SCN8A: variants seen among roughly 807,000 people sequenced by gnomAD.
SCN8A encodes the protein sodium channel protein type 8 subunit alpha.
Under a neutral mutation model 184.1 loss-of-function variants are expected in SCN8A, and 30 were observed. That is an observed-to-expected ratio of 0.16 (90% CI 0.12 to 0.22). The LOEUF (loss-of-function observed/expected upper bound fraction) is 0.22. Among genes scored for constraint, SCN8A ranks in the 10% least tolerant of loss-of-function variants. SCN8A has a pLI of 1.00. For synonymous variants in SCN8A, 852 were observed against 907.0 expected (o/e 0.94, Z 1.09); for missense variants, 1,057 against 2,498.9 (o/e 0.42, Z 12.30).
intron 15 of SCN8A, among the ~76,000 whole-genome samples, chr12:51,763,846 T>G (rs965915897): frequency 2.0e-5 from 3 of 152,228 alleles, no homozygotes; most frequent in African/African-American, 7.2e-5. Context: ...ACTTGGCAAC[T>G]GAAAAGGTTT....
chr12:51,648,021 T>TG (rs1940628524), intron 1 of SCN8A, among the ~76,000 whole-genome samples: 1 of 136,892 alleles, frequency 7.3e-6, no homozygotes, highest in African/African-American at 2.5e-5. Context: ...GCAAAGATGG[T>TG]GGCGTGAGGT....
intron 26 of SCN8A, among the ~76,000 whole-genome samples, chr12:51,804,045 C>T (rs1475965648): frequency 1.3e-5 from 2 of 152,170 alleles, no homozygotes; most frequent in Non-Finnish European, 2.9e-5. Flanking sequence ...TTGTTAGTGC[C>T]TGGACGGCAA....
intron 6 of SCN8A, among the ~76,000 whole-genome samples, chr12:51,694,741 A>G (rs1053413905): frequency 6.6e-6 from 1 of 152,238 alleles, no homozygotes; most frequent in Non-Finnish European, 1.5e-5. Flanking sequence ...GTGTCTCTGT[A>G]TAGCCAGAAT....
rs940398352 is a variant in SCN8A at position 51,808,955 on chromosome 12, C to T, written c.*1526C>T. The T allele has an allele frequency of 1.3e-5, 2 of 152,176 alleles. No homozygotes were observed. Among genetic ancestry groups the T allele is most frequent in the African/African-American group, 2.4e-5 (1 of 41,424 alleles). 9.4% of individuals were successfully genotyped at this position (152,176 alleles called of 1,614,324 possible). A position where few individuals can be genotyped will look rare whatever the true frequency, so the allele number is the denominator to read the frequency against. On this transcript the variant is annotated 3_prime_UTR_variant, in exon 27 of 27. Coordinates refer to ENST00000627620, the MANE Select transcript of SCN8A (RefSeq NM_001330260.2). ...ATTAGAATAATAGTCACTGGTGAGA[C>T]CTGAGGTAGAGATGGAGCCGCCTCT...
chr12:51,737,099 G>A (rs936767175), intron 12 of SCN8A, among the ~76,000 whole-genome samples: 6 of 152,206 alleles, frequency 3.9e-5, no homozygotes, highest in African/African-American at 1.4e-4. Context: ...GGTTTGCCAA[G>A]TAAGACTATT....
intron 19 of SCN8A, 127 bp from the exon 20 acceptor site, chr12:51,774,062 A>C (rs1046264195): frequency 3.2e-6 from 2 of 631,660 alleles, no homozygotes; most frequent in Admixed American, 3.1e-5. Context: ...GTCGGGGAGT[A>C]AAGCGAAGGA....
chr12:51,602,621 A>C (rs1354864315), intron 1 of SCN8A, among the ~76,000 whole-genome samples: 1 of 152,154 alleles, frequency 6.6e-6, no homozygotes, highest in Non-Finnish European at 1.5e-5. Flanking sequence ...ATATTTTACC[A>C]CAATCAATCA....
intron 16 of SCN8A, among the ~76,000 whole-genome samples, chr12:51,768,505 T>C (rs1942871177): frequency 6.6e-6 from 1 of 152,232 alleles, no homozygotes; most frequent in Non-Finnish European, 1.5e-5. Flanking sequence ...CTGTACACTT[T>C]GTGACCCTCC....
chr12:51,810,372 C>A lies in SCN8A; in HGVS notation c.*2943C>A. The A allele has an allele frequency of 2.3e-6, 1 of 426,092 alleles. No homozygotes were observed. Among genetic ancestry groups the A allele is most frequent in the Non-Finnish European group, 4.7e-6 (1 of 212,294 alleles). The allele number at this position is 426,092 out of a possible 1,614,324, so 26.4% of individuals were successfully genotyped here. ...CTTTGGTAGTAAATGACACCATCAC[C>A]AGCAGTTTACACCCGCAGTTAACAG... On this transcript the variant is annotated 3_prime_UTR_variant, in exon 27 of 27. Coordinates refer to ENST00000627620, the MANE Select transcript of SCN8A (RefSeq NM_001330260.2).
rs377111517 is a variant in SCN8A at position 51,649,968 on chromosome 12, G to A, written c.-54-12796G>A. On this transcript the variant is annotated intron_variant, in intron 1 of 26. Coordinates refer to ENST00000627620, the MANE Select transcript of SCN8A (RefSeq NM_001330260.2). ...CTTATAAAACTGAATGCCTTTAACA[G>A]CATCCAAGTCACCTCTTGAATGCTT... 2.9e-3 allele frequency among the ~76,000 whole-genome samples: 443 copies of A among 152,236 alleles called. 4 individuals are homozygous for A. The highest frequency in any genetic ancestry group is 0.01 in the African/African-American group (427 of 41,520).
In SCN8A at chr12:51,732,118, A is replaced by C. The variant is rs514978; in HGVS notation, c.1998+10210A>C. 2.0e-5 allele frequency among the ~76,000 whole-genome samples: 3 copies of C among 152,130 alleles called. No individual in the cohort carries two copies. The East Asian group carries it at 5.8e-4, about 29-fold the overall frequency. On this transcript the variant is annotated intron_variant, in intron 12 of 26. Transcript: ENST00000627620. ...TTTTGCTTTGGTTGGCTGTGCTTGT[A>C]GGGTATTATTCAAGAAATTTTTACC...
At chr12:51,738,973 G>T (rs1021491404) in intron 12 of SCN8A, among the ~76,000 whole-genome samples, 5 of 152,144 alleles carry the variant, frequency 3.3e-5, no homozygotes, top group Non-Finnish European at 5.9e-5. Context: ...GTTTAGAATG[G>T]GGCCCGGGAC....
intron 12 of SCN8A, among the ~76,000 whole-genome samples, chr12:51,741,392 G>A (rs1050659692): frequency 1.3e-5 from 2 of 151,976 alleles, no homozygotes; most frequent in Admixed American, 6.6e-5. Flanking sequence ...CAGATCATTG[G>A]GTCTTATTTT....
chr12:51,706,572 A>G lies in SCN8A; in HGVS notation c.1492A>G (p.Arg498Gly). Residue 498 changes from arginine (R) to glycine (G), a missense_variant, in exon 11 of 27, where the codon AGG becomes GGG. Arg to Gly is a moderately radical substitution (Grantham distance 125). Coordinates refer to ENST00000627620, the MANE Select transcript of SCN8A (RefSeq NM_001330260.2). ...GGAAAGACGTAACAGGAGAAAGAAG[A>G]GGAAGCAAAAGGAACTCTCTGAAGG... ...AKERRNRRKK[R>G]KQKELSEGEE... 6.2e-7 allele frequency: 1 copy of G among 1,608,172 alleles called. No individual in the cohort carries two copies. Among genetic ancestry groups the G allele is most frequent in the Non-Finnish European group, 8.5e-7 (1 of 1,177,118 alleles).
In SCN8A at chr12:51,808,544, T is replaced by A. The variant is rs1938788617; in HGVS notation, c.*1115T>A. On this transcript the variant is annotated 3_prime_UTR_variant, in exon 27 of 27. Coordinates refer to ENST00000627620, the MANE Select transcript of SCN8A (RefSeq NM_001330260.2). The stretch of plus-strand genomic sequence containing the variant: ...AAAAATTCATTTGTATCTTGCAATA[T>A]TTATGACGATCGTTTAGCCTTCATA... 1 of 152,610 alleles carries A rather than the reference T, an allele frequency of 6.6e-6. No individual in the cohort carries two copies. The highest frequency in any genetic ancestry group is 1.5e-5 in the Non-Finnish European group (1 of 68,040). 9.5% of individuals were successfully genotyped at this position (152,610 alleles called of 1,614,324 possible). A position where few individuals can be genotyped will look rare whatever the true frequency, so the allele number is the denominator to read the frequency against.
In SCN8A at chr12:51,629,582, CAAAA is replaced by C. The variant is rs71092711; in HGVS notation, c.-54-33162_-54-33159del. ...GCAAGTGAATTCTGCATCAGTTTTG[CAAAA>C]AAAAAAAAAAAAAAAAAAAGTGAAA... On this transcript the variant is annotated intron_variant, in intron 1 of 26. Transcript: ENST00000627620. Among the ~76,000 whole-genome samples the C allele has an allele frequency of 1.6e-3, 208 of 129,530 alleles. 1 individual carries two copies. The highest frequency in any genetic ancestry group is 6.2e-3 in the African/African-American group (196 of 31,612). The allele number at this position is 129,530 out of a possible 152,430, so 85.0% of individuals were successfully genotyped here. A position where few individuals can be genotyped will look rare whatever the true frequency, so the allele number is the denominator to read the frequency against.
intron 11 of SCN8A, chr12:51,713,087 A>C (rs1418789792): frequency 2.9e-6 from 4 of 1,360,572 alleles, no homozygotes; most frequent in African/African-American, 2.8e-5. Context: ...TGATCATCAA[A>C]AGTTACAAAA....
intron 8 of SCN8A, among the ~76,000 whole-genome samples, chr12:51,701,495 T>C (rs1941686537): frequency 6.6e-6 from 1 of 152,286 alleles, no homozygotes; most frequent in East Asian, 1.9e-4. Flanking sequence ...ACTCCTCTCA[T>C]CCTATAGTAC....
At chr12:51,781,653 C>T (rs1419665200) in intron 21 of SCN8A, among the ~76,000 whole-genome samples, 2 of 151,120 alleles carry the variant, frequency 1.3e-5, no homozygotes, top group African/African-American at 4.9e-5. Context: ...CGTGCACGCG[C>T]ACGCACGCGC....
Sources: gnomAD v4.1 joint callset for allele counts (sites outside exome capture counted in the v4.1 genomes callset) on GRCh38, gnomAD v4.1.1 for gene constraint, MANE v1.5 for transcripts, NCBI Gene and HGNC (gene_info 2026-07-23, HGNC 2026-07-21) for gene names.